The following NIBAN1 variants were observed in gnomAD, a reference collection of about 807,000 sequenced individuals.
The protein encoded by NIBAN1 is protein Niban 1.
A neutral mutation model predicts 75.1 loss-of-function variants in NIBAN1; 81 were observed. The ratio of observed to expected loss-of-function variants is 1.08; its 90% CI spans 0.90 to 1.30. The LOEUF (loss-of-function observed/expected upper bound fraction) is 1.30, where lower values mean the gene tolerates loss of function less well. NIBAN1 is among the 50% of genes most tolerant of loss of function. NIBAN1 has a pLI of 0.00. For synonymous variants in NIBAN1, 436 were observed against 424.8 expected, an observed-to-expected ratio of 1.03 and a Z score of -0.32; for missense variants, 1,133 against 1,128.1, an observed-to-expected ratio of 1.00 and a Z score of -0.06.
At chr1:184,820,226 T>C (rs924870886) in intron 8 of NIBAN1, among the ~76,000 whole-genome samples, 2 of 152,158 alleles carry the variant, frequency 1.3e-5, no homozygotes, top group Admixed American at 1.3e-4. Context: ...TTGAAAAGCA[T>C]CTAATGGAAA....
At chr1:184,869,561 G>GT (rs1656044000) in intron 5 of NIBAN1, among the ~76,000 whole-genome samples, 1 of 128,482 alleles carries the variant, frequency 7.8e-6, no homozygotes, top group Non-Finnish European at 1.7e-5. Flanking sequence ...TTTTTTTTTT[G>GT]AGACAGAGTT....
intron 6 of NIBAN1, 88 bp from the exon 7 acceptor site, chr1:184,823,830 T>A: frequency 9.1e-7 from 1 of 1,102,366 alleles, no homozygotes; most frequent in East Asian, 2.4e-5. Flanking sequence ...TGATTGGCTG[T>A]CCCTGTCCCG....
At chr1:184,843,441 T>C (rs1275004153) in intron 5 of NIBAN1, among the ~76,000 whole-genome samples, 2 of 152,112 alleles carry the variant, frequency 1.3e-5, no homozygotes, top group Admixed American at 6.6e-5. Flanking sequence ...ATCAGACACT[T>C]TCCCCCCCGC....
At chr1:184,949,096 G>T (rs1254911217) in intron 1 of NIBAN1, among the ~76,000 whole-genome samples, 3 of 152,086 alleles carry the variant, frequency 2.0e-5, no homozygotes, top group Non-Finnish European at 2.9e-5. Flanking sequence ...TTTGAAAGTG[G>T]AATATTCAGC....
At chr1:184,880,077 G>C (rs1047216171) in intron 5 of NIBAN1, among the ~76,000 whole-genome samples, 1 of 152,166 alleles carries the variant, frequency 6.6e-6, no homozygotes. Context: ...GGCAGTCCTG[G>C]CTGTCCTTCA....
intron 5 of NIBAN1, among the ~76,000 whole-genome samples, chr1:184,852,358 C>T (rs1404867685): frequency 1.3e-5 from 2 of 152,180 alleles, no homozygotes; most frequent in Non-Finnish European, 2.9e-5. Context: ...GGGGACAACA[C>T]AAGTGTGCCT....
At chr1:184,930,398 A>G (rs576043646) in intron 1 of NIBAN1, among the ~76,000 whole-genome samples, 1 of 152,324 alleles carries the variant, frequency 6.6e-6, no homozygotes, top group East Asian at 1.9e-4. Context: ...GAGGAGACTG[A>G]CAGTTTAATT....
chr1:184,969,871 A>C (rs988405149), intron 1 of NIBAN1, among the ~76,000 whole-genome samples: 1 of 151,974 alleles, frequency 6.6e-6, no homozygotes, highest in East Asian at 1.9e-4. Context: ...GTTCTGTTAG[A>C]AAAAGGAATG....
At chr1:184,810,267 A>G (rs1453090984) in intron 9 of NIBAN1, among the ~76,000 whole-genome samples, 1 of 152,216 alleles carries the variant, frequency 6.6e-6, no homozygotes, top group African/African-American at 2.4e-5. Context: ...TTTTTCAGTG[A>G]TTCTTAAACT....
At chr1:184,827,221 A>T (rs1410057224) in intron 6 of NIBAN1, among the ~76,000 whole-genome samples, 1 of 151,876 alleles carries the variant, frequency 6.6e-6, no homozygotes, top group Non-Finnish European at 1.5e-5. Flanking sequence ...ATGAAAACGG[A>T]CTAATACAGT....
chr1:184,967,671 G>T (rs1364454720), intron 1 of NIBAN1, among the ~76,000 whole-genome samples: 1 of 152,146 alleles, frequency 6.6e-6, no homozygotes, highest in Non-Finnish European at 1.5e-5. Flanking sequence ...TGTCATCCTA[G>T]TAGTTACTAT....
chr1:184,910,064 A>G (rs895767720), intron 1 of NIBAN1, among the ~76,000 whole-genome samples: 3 of 152,294 alleles, frequency 2.0e-5, no homozygotes, highest in South Asian at 2.1e-4. Context: ...TTGCTCTTCC[A>G]TAAGGTGAGT....
chr1:184,972,598 A>C (rs962647757), intron 1 of NIBAN1, among the ~76,000 whole-genome samples: 3 of 152,244 alleles, frequency 2.0e-5, no homozygotes, highest in Non-Finnish European at 4.4e-5. Context: ...TGAAGAGAGA[A>C]AGCTGAACAA....
chr1:184,913,247 T>G (rs1657297237), intron 1 of NIBAN1, among the ~76,000 whole-genome samples: 1 of 151,318 alleles, frequency 6.6e-6, no homozygotes, highest in Non-Finnish European at 1.5e-5. Flanking sequence ...GAAATGCATT[T>G]GTAATTTTTA....
intron 6 of NIBAN1, among the ~76,000 whole-genome samples, chr1:184,828,504 T>C (rs1359881520): frequency 6.6e-6 from 1 of 152,250 alleles, no homozygotes; most frequent in African/African-American, 2.4e-5. Flanking sequence ...CTTTTTTCTA[T>C]GAGTCTTAGG....
chr1:184,818,884 T>C, intron 8 of NIBAN1, 59 bp from the exon 9 acceptor site: 1 of 1,532,940 alleles, frequency 6.5e-7, no homozygotes, highest in Non-Finnish European at 8.8e-7. Context: ...TTGTGGGCAC[T>C]GGAGCCAGAC....
intron 1 of NIBAN1, among the ~76,000 whole-genome samples, chr1:184,937,788 G>A (rs1376231731): frequency 6.6e-6 from 1 of 152,144 alleles, no homozygotes; most frequent in Admixed American, 6.5e-5. Context: ...TAAGCTCTCT[G>A]AGCTTCACTT....
At chr1:184,884,860 G>A in intron 4 of NIBAN1, 60 bp from the exon 5 acceptor site, 1 of 1,567,788 alleles carries the variant, frequency 6.4e-7, no homozygotes, top group Non-Finnish European at 8.7e-7. Context: ...TTTCAAATGT[G>A]TGTTTCAGGT....
Position 184,869,756 on chromosome 1 carries a change from A to G in NIBAN1, c.601+14877T>C, listed in dbSNP as rs1474809830. ...GGGTTTTCACCATGTTGGCCAGGCTAGTCTCAAACTCCTGACCTCAAATGA... is the reference window on the plus strand; with the variant it reads ...GGGTTTTCACCATGTTGGCCAGGCTGGTCTCAAACTCCTGACCTCAAATGA... On this transcript the variant is annotated intron_variant, in intron 5 of 13. Coordinates refer to ENST00000367511, the MANE Select transcript of NIBAN1 (RefSeq NM_052966.4). Among the ~76,000 whole-genome samples the G allele has an allele frequency of 6.6e-5, 10 of 152,094 alleles. No homozygotes were observed. The South Asian group carries it at 1.9e-3, about 28-fold the overall frequency.
Sources: gnomAD v4.1 joint callset for allele counts (sites outside exome capture counted in the v4.1 genomes callset) on GRCh38, gnomAD v4.1.1 for gene constraint, MANE v1.5 for transcripts, NCBI Gene and HGNC (gene_info 2026-07-23, HGNC 2026-07-21) for gene names.